RYR3: variants seen among roughly 807,000 people sequenced by gnomAD.
RYR3 encodes ryanodine receptor 3.
Under a neutral mutation model 584.3 loss-of-function variants are expected in RYR3, and 207 were observed. That is an observed-to-expected ratio of 0.35 (90% CI 0.32 to 0.40). RYR3 has a LOEUF of 0.40. RYR3 is among the 10% of genes least tolerant of loss of function. The pLI is 1.00. For synonymous variants in RYR3, 2,416 were observed against 2,248.5 expected (o/e 1.07, Z -2.11); for missense variants, 5,616 against 6,089.2 (o/e 0.92, Z 2.59).
Position 33,838,274 on chromosome 15 carries a change from A to G in RYR3, c.12294A>G (p.Leu4098=), listed in dbSNP as rs371643601. The G allele has an allele frequency of 2.1e-5, 34 of 1,613,912 alleles. No individual in the cohort carries two copies. Among genetic ancestry groups the G allele is most frequent in the South Asian group, 1.1e-4 (10 of 91,080 alleles). Residue 4098 remains leucine (L), a synonymous_variant, in exon 89 of 104, where the codon TTA becomes TTG. Transcript: ENST00000634891. ...AGGACACCATCTTTGAAATGCAGTT[A>G]GCATCTCAGATCTCTGAATCCGATT... The part of the protein sequence containing the change: ...FCEDTIFEMQ[L]ASQISESDSA...
Position 33,311,105 on chromosome 15 carries a change from C to T in RYR3, c.51+9C>T, listed in dbSNP as rs1595668505. ...TCCAGTTTCTGAGGACTGTGAGTCT[C>T]CGCGGCGGGGGCGAGGCCGTGGGCA... is the stretch of plus-strand genomic sequence containing the variant. On this transcript the variant is annotated intron_variant, in intron 1 of 103. Coordinates refer to ENST00000634891, the MANE Select transcript of RYR3 (RefSeq NM_001036.6). The surrounding 1 kb of genome is among the most constrained non-coding windows in gnomAD (Gnocchi z 4.4). 1 of 1,568,972 alleles carries T rather than the reference C, an allele frequency of 6.4e-7. No homozygotes were observed. The highest frequency in any genetic ancestry group is 1.4e-5 in the African/African-American group (1 of 71,382).
chr15:33,385,855 C>T (rs888330620), intron 1 of RYR3, among the ~76,000 whole-genome samples: 1 of 151,892 alleles, frequency 6.6e-6, no homozygotes, highest in Non-Finnish European at 1.5e-5. Flanking sequence ...AGGTGTGCAC[C>T]ACCAAGCCTG....
rs374304151 is a variant in RYR3 at position 33,349,717 on chromosome 15, T to C, written c.51+38621T>C. On this transcript the variant is annotated intron_variant, in intron 1 of 103. Transcript: ENST00000634891. ...CACTAACTCGTCATCTAGCATTAGG[T>C]ATATCTCCCAATGCTATCCCTCCCC... 8.7e-5 allele frequency among the ~76,000 whole-genome samples: 13 copies of C among 148,704 alleles called. No individual in the cohort carries two copies. The East Asian group carries it at 2.6e-3, about 30-fold the overall frequency.
At chr15:33,826,610 A>G (rs577758776) in intron 83 of RYR3, 62 bp from the exon 84 acceptor site, 10 of 1,324,314 alleles carry the variant, frequency 7.6e-6, no homozygotes, top group African/African-American at 2.9e-5. Context: ...AGTCATTTAC[A>G]TTAGAAAGTA....
chr15:33,459,268 T>C (rs902392342), intron 1 of RYR3, among the ~76,000 whole-genome samples: 1 of 152,176 alleles, frequency 6.6e-6, no homozygotes, highest in Non-Finnish European at 1.5e-5. Flanking sequence ...AGGAGAAAAA[T>C]TCTGGTTAAA....
intron 12 of RYR3, among the ~76,000 whole-genome samples, chr15:33,576,975 G>A (rs536821958): frequency 1.4e-4 from 22 of 152,084 alleles, no homozygotes; most frequent in Admixed American, 1.2e-3. Flanking sequence ...CACCAACAGC[G>A]AACAAGTGGA....
At chr15:33,630,159 A>G (rs2152628470) in intron 22 of RYR3, 116 bp downstream of exon 22, 2 of 602,312 alleles carry the variant, frequency 3.3e-6, no homozygotes, top group African/African-American at 1.9e-5. Flanking sequence ...CTGATAAATT[A>G]GAGGAGATGA....
intron 1 of RYR3, among the ~76,000 whole-genome samples, chr15:33,467,325 C>G (rs538996611): frequency 6.6e-6 from 1 of 152,338 alleles, no homozygotes; most frequent in Non-Finnish European, 1.5e-5. Flanking sequence ...CATCAGCTGC[C>G]TGGTGATCTA....
chr15:33,789,195 T>A lies in RYR3; in HGVS notation c.9830+737T>A, dbSNP rs79548335. On this transcript the variant is annotated intron_variant, in intron 67 of 103. Coordinates refer to ENST00000634891, the MANE Select transcript of RYR3 (RefSeq NM_001036.6). ...GGGTGGGGAAGAGCAGTAGAAGATG[T>A]CAGAGAGGCAACACGGGGCCGAGAG... Among the ~76,000 whole-genome samples, 117 of 152,174 alleles carry A rather than the reference T, an allele frequency of 7.7e-4. 1 individual carries two copies. The East Asian group carries it at 0.022, about 28-fold the overall frequency.
chr15:33,568,201 G>A (rs935733348), intron 12 of RYR3, among the ~76,000 whole-genome samples: 4 of 152,130 alleles, frequency 2.6e-5, no homozygotes, highest in Non-Finnish European at 4.4e-5. Context: ...AAAGCTTTTT[G>A]GAGAGCTGAT....
intron 20 of RYR3, 59 bp downstream of exon 20, chr15:33,624,082 CTTCT>C (rs964451489): frequency 6.0e-6 from 7 of 1,160,670 alleles, no homozygotes; most frequent in East Asian, 2.4e-5. Context: ...GAGTTAAATA[CTTCT>C]TTCTTTCTTG....
At position 33,739,208 on chromosome 15, in the gene RYR3, C is replaced by G. The variant is rs189700284; in HGVS notation, c.7656+618C>G. On this transcript the variant is annotated intron_variant, in intron 50 of 103. Transcript: ENST00000634891. ...CTTTAAAGGTAGAAAATGAGTAGGT[C>G]TGGTTTTCTTAGAGAAATCTAGAAC... 3.3e-5 allele frequency among the ~76,000 whole-genome samples: 5 copies of G among 152,294 alleles called. No individual in the cohort carries two copies. In the East Asian group the frequency reaches 9.6e-4, roughly 29 times the overall value.
intron 1 of RYR3, among the ~76,000 whole-genome samples, chr15:33,452,218 GC>G (rs1415579261): frequency 6.6e-6 from 1 of 152,194 alleles, no homozygotes; most frequent in African/African-American, 2.4e-5. Flanking sequence ...TGTTGGTTCT[GC>G]CCTGGTAATC....
chr15:33,438,301 C>A (rs901296005), intron 1 of RYR3, among the ~76,000 whole-genome samples: 2 of 152,096 alleles, frequency 1.3e-5, no homozygotes, highest in African/African-American at 4.8e-5. Flanking sequence ...TCTCCCATTC[C>A]GTACTTCCCT....
intron 18 of RYR3, among the ~76,000 whole-genome samples, chr15:33,608,981 G>T (rs987589247): frequency 2.6e-5 from 4 of 152,198 alleles, no homozygotes; most frequent in African/African-American, 9.7e-5. Flanking sequence ...TGGTATGAAA[G>T]CCCTGCTGCA....
rs1213768117 is a variant in RYR3, at chr15:33,323,944, G to A, written c.51+12848G>A. Among the ~76,000 whole-genome samples, 3 of 152,152 alleles carry A rather than the reference G, an allele frequency of 2.0e-5. No homozygotes were observed. The East Asian group carries it at 5.8e-4, about 29-fold the overall frequency. ...AGTCTGAACTGCCCAATTAAATGCA[G>A]ATTAGAAGGCAGGTTTATTGAGGTT... On this transcript the variant is annotated intron_variant, in intron 1 of 103. Coordinates refer to ENST00000634891, the MANE Select transcript of RYR3 (RefSeq NM_001036.6).
chr15:33,652,594 G>C, intron 31 of RYR3, 124 bp from the exon 32 acceptor site: 1 of 957,380 alleles, frequency 1.0e-6, no homozygotes, highest in Non-Finnish European at 1.6e-6. Flanking sequence ...AAAGTATTTG[G>C]GGCTGAACAG....
chr15:33,399,472 C>G (rs1015322973), intron 1 of RYR3, among the ~76,000 whole-genome samples: 1 of 152,072 alleles, frequency 6.6e-6, no homozygotes, highest in African/African-American at 2.4e-5. Context: ...AAACCTGTCT[C>G]TATTAAGATA....
chr15:33,354,367 C>T (rs931390350), intron 1 of RYR3, among the ~76,000 whole-genome samples: 2 of 152,192 alleles, frequency 1.3e-5, no homozygotes, highest in Non-Finnish European at 2.9e-5. Flanking sequence ...AGAGCATTGC[C>T]TCTTGTTTGC....
Sources: allele counts gnomAD v4.1 joint callset (sites outside exome capture counted in the v4.1 genomes callset), GRCh38; gene constraint gnomAD v4.1.1; non-coding constraint Gnocchi (gnomAD v3.1); transcripts MANE v1.5; gene names NCBI Gene and HGNC (gene_info 2026-07-23, HGNC 2026-07-21).